The following ZNF208 variants were observed in gnomAD, a reference collection of about 807,000 sequenced individuals.
ZNF208 encodes zinc finger protein 208.
Under a neutral mutation model 12.1 loss-of-function variants are expected in ZNF208, and 10 were observed. The observed-to-expected ratio is 0.83, with a 90% CI of 0.51 to 1.40. The LOEUF (loss-of-function observed/expected upper bound fraction) is 1.40, where lower values mean the gene tolerates loss of function less well. Ranked by LOEUF, ZNF208 falls within the 40% of genes most tolerant of loss-of-function variation. The pLI is 0.00. For synonymous variants in ZNF208, 497 were observed against 488.4 expected, an observed-to-expected ratio of 1.02 and a Z score of -0.23; for missense variants, 1,652 against 1,485.0, an observed-to-expected ratio of 1.11 and a Z score of -1.85.
At chr19:21,987,059 T>C in intron 3 of ZNF208, 157 bp downstream of exon 3, 1 of 656,574 alleles carries the variant, frequency 1.5e-6, no homozygotes, top group Non-Finnish European at 2.4e-6. Flanking sequence ...AGACCGAAGA[T>C]GCCCCTGTGT....
At chr19:21,990,438 T>G (rs909553249) in intron 1 of ZNF208, among the ~76,000 whole-genome samples, 2 of 92,904 alleles carry the variant, frequency 2.2e-5, no homozygotes, top group African/African-American at 1.0e-4. Flanking sequence ...ATTCCATTGA[T>G]CTATATCTCT....
rs758928575 is a variant in ZNF208, at chr19:21,974,424, C to T, written c.610G>A (p.Glu204Lys). ...IYTRENSYKC[E>K]EGGKAFNWSS... is the part of the protein sequence containing the mutation. ...CAGTTAAAAGCTTTGCCACCTTCTTCACATTTGTAGGAATTCTCTCTAGTA... is the reference window on the plus strand; with the variant it reads ...CAGTTAAAAGCTTTGCCACCTTCTTTACATTTGTAGGAATTCTCTCTAGTA... Residue 204 changes from glutamate (E) to lysine (K), a missense_variant, in exon 4 of 4, where the codon GAA (glutamate) becomes AAA (lysine). Physicochemically the swap from Glu to Lys is moderately conservative, Grantham distance 56. Transcript: ENST00000397126. 6.2e-7 allele frequency: 1 copy of T among 1,613,796 alleles called. No individual in the cohort carries two copies. The highest frequency in any genetic ancestry group is 2.2e-5 in the East Asian group (1 of 44,850).
intron 4 of ZNF208, among the ~76,000 whole-genome samples, chr19:21,955,114 ATTCTTGGTTGAAAACCCTTTTCTT>A (rs1969951694): frequency 6.6e-6 from 1 of 152,204 alleles, no homozygotes; most frequent in Non-Finnish European, 1.5e-5. Flanking sequence ...TGGATATGAA[ATTCTTGGTTGAAAACCCTTTTCTT>A]TAAGAATGTT....
At chr19:21,949,842 G>T (rs1969864526) in intron 4 of ZNF208, among the ~76,000 whole-genome samples, 1 of 152,172 alleles carries the variant, frequency 6.6e-6, no homozygotes, top group Non-Finnish European at 1.5e-5. Context: ...AGGCCACGAG[G>T]TTAACAATGG....
Position 21,995,965 on chromosome 19 carries a change from T to C in ZNF208, c.4-7056A>G, listed in dbSNP as rs1412739874. Among the ~76,000 whole-genome samples the C allele has an allele frequency of 2.6e-5, 4 of 152,214 alleles. No homozygotes were observed. The East Asian group carries it at 5.8e-4, about 22-fold the overall frequency. On this transcript the variant is annotated intron_variant, in intron 1 of 3. Transcript: ENST00000397126. Reference sequence around the variant, plus strand: ...TTTTCTGTAAATTCTCAATCCAAAGTCTGGCCCTGCCTTGTAAATCCCAGC... The same window carrying C: ...TTTTCTGTAAATTCTCAATCCAAAGCCTGGCCCTGCCTTGTAAATCCCAGC...
At chr19:21,958,733 C>G (rs1320518529) in intron 4 of ZNF208, among the ~76,000 whole-genome samples, 1 of 87,374 alleles carries the variant, frequency 1.1e-5, no homozygotes, top group East Asian at 4.5e-4. Flanking sequence ...TGGAAGAAAT[C>G]TTAGCTGCTA....
At chr19:21,988,982 CAG>C in intron 1 of ZNF208, 73 bp from the exon 2 acceptor site, 1 of 1,593,656 alleles carries the variant, frequency 6.3e-7, no homozygotes, top group Non-Finnish European at 8.5e-7. Flanking sequence ...AGGTAAAATG[CAG>C]AGAGTAAAGA....
chr19:21,983,968 C>T (rs1462186517), intron 3 of ZNF208, among the ~76,000 whole-genome samples: 2 of 152,028 alleles, frequency 1.3e-5, no homozygotes, highest in East Asian at 3.9e-4. Flanking sequence ...CCTGCACGTT[C>T]TGCACATGTA....
intron 3 of ZNF208, among the ~76,000 whole-genome samples, chr19:21,983,801 T>A (rs1970587083): frequency 6.6e-6 from 1 of 151,620 alleles, no homozygotes; most frequent in African/African-American, 2.4e-5. Flanking sequence ...GAGTTAACAA[T>A]GAGAACACAG....
At chr19:22,008,388 C>T (rs530284388) in intron 1 of ZNF208, among the ~76,000 whole-genome samples, 2 of 151,712 alleles carry the variant, frequency 1.3e-5, no homozygotes, top group South Asian at 4.2e-4. Flanking sequence ...ATGTCTGACT[C>T]ATGTGTCAAG....
At position 21,971,313 on chromosome 19, in the gene ZNF208, T is replaced by G. The variant is rs375630567; in HGVS notation, c.3721A>C (p.Thr1241Pro). 62 of 1,611,556 alleles carry G rather than the reference T, an allele frequency of 3.8e-5. No homozygotes were observed. The highest frequency in any genetic ancestry group is 5.2e-5 in the Non-Finnish European group (61 of 1,179,874). Reference protein sequence around the residue: ...GKAFSTFSILTKHKVIHTGEK... With the variant: ...GKAFSTFSILPKHKVIHTGEK... ...CCAGTATGAATTACCTTATGTTTAG[T>G]GAGGATTGAGAACGTACTAAAGGCT... Residue 1241 changes from threonine (T) to proline (P), a missense_variant, in exon 4 of 4, where the codon ACT (threonine) becomes CCT (proline). By Grantham distance (38) the Thr-to-Pro change is conservative (BLOSUM62 -1). Transcript: ENST00000397126.
At chr19:21,996,382 A>G (rs1457311175) in intron 1 of ZNF208, among the ~76,000 whole-genome samples, 2 of 152,336 alleles carry the variant, frequency 1.3e-5, no homozygotes, top group East Asian at 3.9e-4. Flanking sequence ...GGTTAAGGAT[A>G]TGGAATATAG....
chr19:21,941,357 C>G (rs1372227935), intron 4 of ZNF208: 19 of 398,874 alleles, frequency 4.8e-5, no homozygotes, highest in African/African-American at 3.9e-4. Context: ...ATCTTAGTGA[C>G]AGAACGAAAG....
intron 1 of ZNF208, among the ~76,000 whole-genome samples, chr19:21,997,497 A>T (rs988294214): frequency 6.6e-6 from 1 of 152,112 alleles, no homozygotes; most frequent in African/African-American, 2.4e-5. Context: ...GCACTGGGCT[A>T]GAGCACTCCT....
intron 1 of ZNF208, among the ~76,000 whole-genome samples, chr19:21,999,440 AC>A (rs1307908888): frequency 6.6e-6 from 1 of 152,154 alleles, no homozygotes; most frequent in Non-Finnish European, 1.5e-5. Flanking sequence ...AACAGACTCC[AC>A]TGTTCAGTCT....
At chr19:21,954,333 G>A (rs1408608932) in intron 4 of ZNF208, among the ~76,000 whole-genome samples, 1 of 152,186 alleles carries the variant, frequency 6.6e-6, no homozygotes, top group Admixed American at 6.5e-5. Flanking sequence ...AGAGAGTTCT[G>A]TAGATGTCTA....
chr19:21,985,723 A>G (rs1742808722), intron 3 of ZNF208, among the ~76,000 whole-genome samples: 1 of 152,210 alleles, frequency 6.6e-6, no homozygotes, highest in Non-Finnish European at 1.5e-5. Context: ...CTTGGTCCTT[A>G]CTGTGGTTCC....
intron 1 of ZNF208, among the ~76,000 whole-genome samples, chr19:22,003,337 G>A (rs535836189): frequency 6.6e-6 from 1 of 152,160 alleles, no homozygotes; most frequent in South Asian, 2.1e-4. Context: ...ACTGACAAAT[G>A]GGACCTAATT....
chr19:21,999,222 A>G (rs1244033747), intron 1 of ZNF208, among the ~76,000 whole-genome samples: 1 of 152,188 alleles, frequency 6.6e-6, no homozygotes, highest in Non-Finnish European at 1.5e-5. Context: ...TAATGTATGT[A>G]AGATTTTAAA....
Sources: allele counts gnomAD v4.1 joint callset (sites outside exome capture counted in the v4.1 genomes callset), GRCh38; gene constraint gnomAD v4.1.1; transcripts MANE v1.5; gene names NCBI Gene and HGNC (gene_info 2026-07-23, HGNC 2026-07-21).